The following SLC35F5 variants were observed in gnomAD, a reference collection of about 807,000 sequenced individuals.
The protein encoded by SLC35F5 is solute carrier family 35 member F5, also known as HCV NS5A-transactivated protein 3.
SLC35F5 carries 54 observed loss-of-function variants against 68.6 expected under a neutral mutation model. That is an observed-to-expected ratio of 0.79 (90% CI 0.63 to 0.99). The LOEUF (loss-of-function observed/expected upper bound fraction) is 0.99. Ranked by LOEUF, SLC35F5 falls within the 50% of genes least tolerant of loss-of-function variation. The pLI, the probability that SLC35F5 is intolerant of heterozygous loss-of-function variation, is 0.00. For missense variants in SLC35F5, 567 were observed against 626.9 expected, an observed-to-expected ratio of 0.90 and a Z score of 1.02; for synonymous variants, 211 against 205.2, an observed-to-expected ratio of 1.03 and a Z score of -0.24.
At chr2:113,739,675 A>T (rs1490698816) in intron 7 of SLC35F5, among the ~76,000 whole-genome samples, 1 of 152,184 alleles carries the variant, frequency 6.6e-6, no homozygotes, top group East Asian at 1.9e-4. Flanking sequence ...TATTAATTAT[A>T]TGCTACCCAG....
intron 4 of SLC35F5, 77 bp from the exon 5 acceptor site, chr2:113,746,416 A>C: frequency 4.4e-6 from 5 of 1,147,044 alleles, no homozygotes; most frequent in Non-Finnish European, 6.5e-6. Context: ...TAACTCAGAT[A>C]AATAGAAGCA....
intron 14 of SLC35F5, among the ~76,000 whole-genome samples, chr2:113,718,905 GAAAGAAAGAAAGAAAGAAAGAA>G (rs59718134): frequency 0.13 from 14,201 of 111,170 alleles, 967 homozygotes; most frequent in Middle Eastern, 0.22. Context: ...AAGAAAGAAA[GAAAGAAAGAAAGAAAGAAAGAA>G]AAAGAAAGGA....
In SLC35F5 at chr2:113,713,225, T is replaced by G. The variant is rs1687054788; in HGVS notation, c.*1993A>C. On this transcript the variant is annotated 3_prime_UTR_variant, in exon 16 of 16. Transcript: ENST00000245680. The stretch of plus-strand genomic sequence containing the variant: ...TGAAGAAGTTGTTCATTGATTTTTG[T>G]TTTTTAAGAAACAGAAAAGCAGCAG... 6.6e-6 allele frequency: 1 copy of G among 152,212 alleles called. No individual in the cohort carries two copies. The highest frequency in any genetic ancestry group is 6.5e-5 in the Admixed American group (1 of 15,288). The allele number at this position is 152,212 out of a possible 1,614,324, so 9.4% of individuals were successfully genotyped here. A position where few individuals can be genotyped will look rare whatever the true frequency, so the allele number is the denominator to read the frequency against.
chr2:113,751,988 G>A (rs1040097693), intron 3 of SLC35F5, among the ~76,000 whole-genome samples: 1 of 152,108 alleles, frequency 6.6e-6, no homozygotes, highest in African/African-American at 2.4e-5. Context: ...AAGGCGGGTG[G>A]ATCACTTGAG....
At chr2:113,736,346 G>A (rs1005439862) in intron 7 of SLC35F5, among the ~76,000 whole-genome samples, 1 of 151,614 alleles carries the variant, frequency 6.6e-6, no homozygotes, top group Non-Finnish European at 1.5e-5. Flanking sequence ...TCAGGAGGCT[G>A]AGGTGGGAAG....
chr2:113,735,131 G>C (rs1688037448), intron 8 of SLC35F5, among the ~76,000 whole-genome samples: 1 of 152,066 alleles, frequency 6.6e-6, no homozygotes, highest in African/African-American at 2.4e-5. Context: ...AAAGGGTCTA[G>C]AAAAAGATCT....
rs368464948 is a variant in SLC35F5, at chr2:113,755,536, T to A, written c.49A>T (p.Ser17Cys). 2 of 1,613,424 alleles carry A rather than the reference T, an allele frequency of 1.2e-6. No individual in the cohort carries two copies. Among genetic ancestry groups the A allele is most frequent in the Non-Finnish European group, 1.7e-6 (2 of 1,179,718 alleles). The change falls in exon 2 of 16, where the codon AGT becomes TGT. Residue 17 changes from serine (S) to cysteine (C), a missense_variant. Coordinates refer to ENST00000245680, the MANE Select transcript of SLC35F5 (RefSeq NM_025181.5). ...CTCAGTCTAAAAGGAGGTGAAGAAC[T>A]CAGCACCCCTAAAAACAACCATGAA... ...HRGAGRPGVL[S>C]SSPPFRLRSA... is the part of the protein sequence containing the mutation.
intron 7 of SLC35F5, among the ~76,000 whole-genome samples, chr2:113,736,275 CAA>C (rs71297191): frequency 2.3e-5 from 3 of 131,014 alleles, no homozygotes. Flanking sequence ...CCCATTTCTA[CAA>C]AAAAAAAAAA....
At chr2:113,751,545 C>T (rs972365225) in intron 3 of SLC35F5, among the ~76,000 whole-genome samples, 3 of 152,280 alleles carry the variant, frequency 2.0e-5, no homozygotes. Flanking sequence ...CACAGTGGCT[C>T]ACACCTATAA....
At chr2:113,753,177 T>TC (rs1676823850) in intron 3 of SLC35F5, among the ~76,000 whole-genome samples, 2 of 117,760 alleles carry the variant, frequency 1.7e-5, no homozygotes, top group Non-Finnish European at 1.9e-5. Flanking sequence ...TCTTTTTTTT[T>TC]TTTTTTTTTT....
chr2:113,733,003 T>G (rs1340627646), intron 9 of SLC35F5, among the ~76,000 whole-genome samples: 1 of 152,184 alleles, frequency 6.6e-6, no homozygotes, highest in African/African-American at 2.4e-5. Flanking sequence ...TTATGTAAAA[T>G]TCTTTTTATA....
intron 15 of SLC35F5, among the ~76,000 whole-genome samples, chr2:113,716,574 T>G (rs961261526): frequency 6.6e-6 from 1 of 152,108 alleles, no homozygotes; most frequent in Non-Finnish European, 1.5e-5. Context: ...AAATAATCTG[T>G]CCTCGTTGAT....
Position 113,755,370 on chromosome 2 carries a change from G to A in SLC35F5, c.132-64C>T, listed in dbSNP as rs575118893. The stretch of plus-strand genomic sequence containing the variant: ...TTAGAAAAACAACCATTAAAAATGA[G>A]AACATTAGTATAACAGAAACATTTG... On this transcript the variant is annotated intron_variant, in intron 2 of 15. Transcript: ENST00000245680. The A allele has an allele frequency of 6.2e-6, 10 of 1,605,748 alleles. No homozygotes were observed. In the South Asian group the frequency reaches 1.1e-4, roughly 18 times the overall value.
intron 7 of SLC35F5, chr2:113,742,274 T>C (rs1676305846): frequency 5.6e-6 from 1 of 177,848 alleles, no homozygotes; most frequent in Admixed American, 5.9e-5. Context: ...TTTATATGAA[T>C]ATAAAACTGC....
intron 9 of SLC35F5, chr2:113,733,415 T>C (rs1358598517): frequency 3.0e-6 from 1 of 337,656 alleles, no homozygotes; most frequent in South Asian, 2.4e-5. Flanking sequence ...TTTATTAAGA[T>C]AACATGAAGA....
downstream of SLC35F5, among the ~76,000 whole-genome samples, chr2:113,702,941 G>A (rs573840312): frequency 1.3e-5 from 2 of 151,784 alleles, no homozygotes; most frequent in African/African-American, 2.4e-5. Flanking sequence ...AGACCTCATT[G>A]CTACTAAAAA....
intron 10 of SLC35F5, among the ~76,000 whole-genome samples, chr2:113,729,783 A>G (rs1446278944): frequency 8.2e-6 from 1 of 122,566 alleles, no homozygotes; most frequent in Non-Finnish European, 1.9e-5. Context: ...ACATATTATA[A>G]TAATACAACT....
At chr2:113,732,385 T>C (rs1483627352) in intron 9 of SLC35F5, among the ~76,000 whole-genome samples, 1 of 151,876 alleles carries the variant, frequency 6.6e-6, no homozygotes, top group Non-Finnish European at 1.5e-5. Context: ...ATGAATCTTA[T>C]AAATTGTAAC....
chr2:113,725,615 T>C (rs910792594), intron 11 of SLC35F5, 78 bp from the exon 12 acceptor site: 3 of 1,377,298 alleles, frequency 2.2e-6, no homozygotes, highest in Non-Finnish European at 1.9e-6. Context: ...AAAATCAAAA[T>C]TAGATTTTGC....
Sources: gnomAD v4.1 joint callset for allele counts (sites outside exome capture counted in the v4.1 genomes callset) on GRCh38, gnomAD v4.1.1 for gene constraint, MANE v1.5 for transcripts, NCBI Gene and HGNC (gene_info 2026-07-23, HGNC 2026-07-21) for gene names.